LRBA: variants seen among roughly 807,000 people sequenced by gnomAD.
LRBA encodes the protein lipopolysaccharide-responsive and beige-like anchor protein.
In LRBA, 176 loss-of-function variants were observed where a neutral mutation model predicts 330.0. The ratio of observed to expected loss-of-function variants is 0.53; its 90% CI spans 0.47 to 0.60. LRBA has a LOEUF of 0.60. LRBA is among the 20% of genes least tolerant of loss of function. The pLI, the probability that LRBA is intolerant of heterozygous loss-of-function variation, is 0.00. For missense variants in LRBA, 3,259 were observed against 3,444.8 expected, an observed-to-expected ratio of 0.95 and a Z score of 1.35; for synonymous variants, 1,230 against 1,193.0, an observed-to-expected ratio of 1.03 and a Z score of -0.64.
chr4:150,930,035 C>T (rs1315587877), intron 2 of LRBA, among the ~76,000 whole-genome samples: 1 of 152,124 alleles, frequency 6.6e-6, no homozygotes, highest in Non-Finnish European at 1.5e-5. Context: ...ACAAATCCGG[C>T]AGGGCGTGGT....
intron 40 of LRBA, among the ~76,000 whole-genome samples, chr4:150,540,186 A>G (rs1474409756): frequency 2.6e-5 from 4 of 152,232 alleles, no homozygotes; most frequent in African/African-American, 9.7e-5. Flanking sequence ...ACTCTTAGGT[A>G]GTATGCTGAA....
intron 2 of LRBA, among the ~76,000 whole-genome samples, chr4:150,947,564 G>A (rs772751378): frequency 7.9e-5 from 12 of 151,782 alleles, no homozygotes; most frequent in Admixed American, 2.0e-4. Flanking sequence ...TAAAACCTAC[G>A]ACTAACATTA....
At position 150,491,793 on chromosome 4, in the gene LRBA, T is replaced by C. The variant is rs183365985; in HGVS notation, c.6331-758A>G. Among the ~76,000 whole-genome samples, 403 of 152,286 alleles carry C rather than the reference T, an allele frequency of 2.6e-3. 1 individual carries two copies. The Middle Eastern group carries it at 0.031, about 12-fold the overall frequency. ...CACTTTGTTGCTTTGATTCAAGTTTTGTTTTTCAAAACGTTCATTTCAAAA... is the reference window on the plus strand; with the variant it reads ...CACTTTGTTGCTTTGATTCAAGTTTCGTTTTTCAAAACGTTCATTTCAAAA... On this transcript the variant is annotated intron_variant, in intron 40 of 56. Transcript: ENST00000651943.
chr4:150,696,701 G>A (rs926080644), intron 36 of LRBA, among the ~76,000 whole-genome samples: 2 of 152,026 alleles, frequency 1.3e-5, no homozygotes, highest in African/African-American at 4.8e-5. Flanking sequence ...AGAAAAAGAA[G>A]GAACTATTAG....
At chr4:150,492,854 C>G (rs1759135096) in intron 40 of LRBA, among the ~76,000 whole-genome samples, 1 of 152,124 alleles carries the variant, frequency 6.6e-6, no homozygotes, top group African/African-American at 2.4e-5. Flanking sequence ...CACATTTAGA[C>G]TTCTCCTCTT....
chr4:150,949,975 T>G (rs1426845150), intron 2 of LRBA, among the ~76,000 whole-genome samples: 1 of 152,122 alleles, frequency 6.6e-6, no homozygotes, highest in Middle Eastern at 3.2e-3. Flanking sequence ...CTGACTCACA[T>G]CTAATACTTG....
At chr4:150,887,077 T>C (rs1187909242) in intron 17 of LRBA, among the ~76,000 whole-genome samples, 1 of 152,230 alleles carries the variant, frequency 6.6e-6, no homozygotes, top group Admixed American at 6.5e-5. Flanking sequence ...TGTATTAATA[T>C]ATCACAATAT....
chr4:150,680,899 G>A (rs912262047), intron 37 of LRBA, among the ~76,000 whole-genome samples: 1 of 152,078 alleles, frequency 6.6e-6, no homozygotes, highest in Admixed American at 6.6e-5. Flanking sequence ...CATCAATAGT[G>A]AAACAAAATA....
At chr4:150,755,258 T>A (rs1055870668) in intron 35 of LRBA, among the ~76,000 whole-genome samples, 3 of 152,230 alleles carry the variant, frequency 2.0e-5, no homozygotes, top group African/African-American at 7.2e-5. Flanking sequence ...AAGCATTATG[T>A]CTTTTATGTG....
rs2126675851 is a variant in LRBA, at chr4:150,264,831, T to TAAC, written c.*888_*890dup. On this transcript the variant is annotated 3_prime_UTR_variant, in exon 57 of 57. Transcript: ENST00000651943. ...AAGGAAGGTGGAGATGATAGTTTAA[T>TAAC]AACAAATAGTAAAACAGGTGTTGCT... is the stretch of plus-strand genomic sequence containing the variant. 6.5e-6 allele frequency: 1 copy of TAAC among 152,758 alleles called. No individual in the cohort carries two copies. Among genetic ancestry groups the TAAC allele is most frequent in the East Asian group, 1.9e-4 (1 of 5,190 alleles). 9.5% of individuals were successfully genotyped at this position (152,758 alleles called of 1,614,324 possible). A position where few individuals can be genotyped will look rare whatever the true frequency, so the allele number is the denominator to read the frequency against.
chr4:150,803,461 T>C (rs1169405300), intron 33 of LRBA, among the ~76,000 whole-genome samples: 1 of 152,142 alleles, frequency 6.6e-6, no homozygotes, highest in African/African-American at 2.4e-5. Flanking sequence ...GAAATTTTCA[T>C]TAAAATATTT....
intron 2 of LRBA, among the ~76,000 whole-genome samples, chr4:150,969,610 G>A (rs1305863673): frequency 2.0e-5 from 3 of 152,190 alleles, no homozygotes; most frequent in African/African-American, 7.2e-5. Context: ...TAGGACTACA[G>A]ATGAACGCCA....
At position 150,599,244 on chromosome 4, in the gene LRBA, C is replaced by T; in HGVS notation, c.5922-113G>A. On this transcript the variant is annotated intron_variant, in intron 37 of 56. Transcript: ENST00000651943. ...CTCTGCCTTTTTTTCCCTCTCCTTCCACTTAATTCTCCCTCCATCTCACAC... is the reference window on the plus strand; with the variant it reads ...CTCTGCCTTTTTTTCCCTCTCCTTCTACTTAATTCTCCCTCCATCTCACAC... 3 of 1,114,490 alleles carry T rather than the reference C, an allele frequency of 2.7e-6. No homozygotes were observed. In the South Asian group the frequency reaches 4.5e-5, roughly 17 times the overall value. 69.0% of individuals were successfully genotyped at this position (1,114,490 alleles called of 1,614,324 possible).
intron 2 of LRBA, among the ~76,000 whole-genome samples, chr4:151,004,977 C>A (rs141074509): frequency 1.3e-5 from 2 of 151,286 alleles, no homozygotes; most frequent in African/African-American, 4.9e-5. Flanking sequence ...GGCGACAGAG[C>A]GAGACTTCGA....
In LRBA at chr4:150,872,672, A is replaced by G. The variant is rs1426697140; in HGVS notation, c.2249T>C (p.Leu750Pro). ...LKAMGYFLKH[L>P]APKRKAEVML... is the part of the protein sequence containing the mutation. Reference sequence around the variant, plus strand: ...ATTTCGGCATACTTACTTTGGGGCCAGATGTTTTAAAAAATAACCCATTGC... The same window carrying G: ...ATTTCGGCATACTTACTTTGGGGCCGGATGTTTTAAAAAATAACCCATTGC... Residue 750 changes from leucine (L) to proline (P), a missense_variant, in exon 18 of 57, where the codon CTG becomes CCG. Coordinates refer to ENST00000651943, the MANE Select transcript of LRBA (RefSeq NM_001364905.1). 1 of 1,605,340 alleles carries G rather than the reference A, an allele frequency of 6.2e-7. No homozygotes were observed. Among genetic ancestry groups the G allele is most frequent in the South Asian group, 1.1e-5 (1 of 90,400 alleles).
chr4:150,568,949 G>C (rs1769500427), intron 40 of LRBA, among the ~76,000 whole-genome samples: 1 of 152,066 alleles, frequency 6.6e-6, no homozygotes, highest in South Asian at 2.1e-4. Flanking sequence ...ACTTTTACCA[G>C]GCAATCCAAG....
intron 48 of LRBA, among the ~76,000 whole-genome samples, chr4:150,343,595 C>G (rs1182838941): frequency 2.0e-5 from 3 of 152,166 alleles, no homozygotes; most frequent in African/African-American, 7.2e-5. Flanking sequence ...CACGTTTCAT[C>G]TTTTCTACAA....
rs181976144 is a variant in LRBA, at chr4:150,940,224, C to A, written c.217-11159G>T. On this transcript the variant is annotated intron_variant, in intron 2 of 56. Coordinates refer to ENST00000651943, the MANE Select transcript of LRBA (RefSeq NM_001364905.1). Reference sequence around the variant, plus strand: ...TTCAAGACCAGGCTGGGCAACATAGCAAGACCTGGTCTCTTAAAAAAAAAA... The same window carrying A: ...TTCAAGACCAGGCTGGGCAACATAGAAAGACCTGGTCTCTTAAAAAAAAAA... 8.7e-3 allele frequency among the ~76,000 whole-genome samples: 1,167 copies of A among 134,488 alleles called. 10 individuals carry two copies. The highest frequency in any genetic ancestry group is 0.012 in the Non-Finnish European group (758 of 63,734). 88.2% of individuals were successfully genotyped at this position (134,488 alleles called of 152,430 possible).
intron 44 of LRBA, among the ~76,000 whole-genome samples, chr4:150,446,003 T>A (rs1333983219): frequency 6.6e-6 from 1 of 151,828 alleles, no homozygotes; most frequent in African/African-American, 2.4e-5. Flanking sequence ...GTTAAAGATA[T>A]CAATATATAA....
Sources: gnomAD v4.1 joint callset for allele counts (sites outside exome capture counted in the v4.1 genomes callset) on GRCh38, gnomAD v4.1.1 for gene constraint, MANE v1.5 for transcripts, NCBI Gene and HGNC (gene_info 2026-07-23, HGNC 2026-07-21) for gene names.